The following DACH2 variants were observed in gnomAD, a reference collection of about 807,000 sequenced individuals.
DACH2 encodes dachshund homolog 2.
DACH2 carries 17 observed loss-of-function variants against 35.8 expected under a neutral mutation model. The ratio of observed to expected loss-of-function variants is 0.48; its 90% CI spans 0.33 to 0.71. The LOEUF (loss-of-function observed/expected upper bound fraction) is 0.71. DACH2 is among the 30% of genes least tolerant of loss of function. The pLI is 0.02. For missense variants in DACH2, 469 were observed against 472.7 expected (o/e 0.99, Z 0.07); for synonymous variants, 195 against 177.3 (o/e 1.10, Z -0.79).
chrX:86,180,955 G>T (rs1394941686), intron 1 of DACH2, among the ~76,000 whole-genome samples: 2 of 110,433 alleles, frequency 1.8e-5, no homozygotes, highest in African/African-American at 3.3e-5. Flanking sequence ...ATTCCAAAGG[G>T]CCAAGTTAGC....
At chrX:86,306,316 A>T (rs2034686842) in intron 1 of DACH2, among the ~76,000 whole-genome samples, 1 of 112,126 alleles carries the variant, frequency 8.9e-6, no homozygotes, top group Non-Finnish European at 1.9e-5. Context: ...AACCTGGAGG[A>T]CGTTATGTTA....
intron 2 of DACH2, among the ~76,000 whole-genome samples, chrX:86,450,606 T>G (rs760003491): frequency 6.4e-4 from 71 of 111,039 alleles, no homozygotes; most frequent in African/African-American, 2.3e-3. Flanking sequence ...AGTTGCTGGG[T>G]CAAATGGTAT....
intron 2 of DACH2, among the ~76,000 whole-genome samples, chrX:86,411,568 T>C (rs1432970342): frequency 1.8e-5 from 2 of 111,070 alleles, no homozygotes; most frequent in African/African-American, 6.6e-5. Context: ...AACGCACTGG[T>C]CCCCAACCCT....
At chrX:86,184,190 T>A (rs764363887) in intron 1 of DACH2, 1 of 188,029 alleles carries the variant, frequency 5.3e-6, no homozygotes, top group Non-Finnish European at 9.7e-6. Context: ...TCTGCTTTTA[T>A]CTTGTTATTT....
intron 6 of DACH2, among the ~76,000 whole-genome samples, chrX:86,724,761 T>C (rs1285275030): frequency 1.8e-5 from 2 of 111,655 alleles, no homozygotes; most frequent in Admixed American, 1.9e-4. Flanking sequence ...CCCCATAAAT[T>C]ACTCCCTCAT....
In DACH2 at chrX:86,693,649, A is replaced by G. The variant is rs752079196; in HGVS notation, c.773-1372A>G. ...ATTGGGCCTGAAGACATTTCCCTGA[A>G]AAGTTTACAACTCTCAAAACTGCTT... On this transcript the variant is annotated intron_variant, in intron 4 of 11. Transcript: ENST00000373125. 3.8e-4 allele frequency among the ~76,000 whole-genome samples: 43 copies of G among 112,649 alleles called. No homozygotes were observed. The South Asian group carries it at 7.2e-3, about 19-fold the overall frequency.
intron 2 of DACH2, among the ~76,000 whole-genome samples, chrX:86,450,730 C>CT (rs376487758): frequency 0.095 from 9,673 of 101,789 alleles, 989 homozygotes; most frequent in African/African-American, 0.29. Context: ...TTGCCAGAAC[C>CT]TTTTTTTTTT....
chrX:86,808,205 T>C (rs967648619), intron 7 of DACH2, among the ~76,000 whole-genome samples: 1 of 112,131 alleles, frequency 8.9e-6, no homozygotes, highest in South Asian at 3.7e-4. Context: ...CCAAACCTTT[T>C]ACTGGACATA....
intron 3 of DACH2, among the ~76,000 whole-genome samples, chrX:86,603,602 T>A (rs1394354452): frequency 9.0e-6 from 1 of 111,297 alleles, no homozygotes; most frequent in African/African-American, 3.3e-5. Context: ...CTGACTGCTT[T>A]ATTAATTATT....
intron 2 of DACH2, among the ~76,000 whole-genome samples, chrX:86,501,759 C>G (rs936345718): frequency 9.0e-6 from 1 of 111,431 alleles, no homozygotes; most frequent in African/African-American, 3.3e-5. Context: ...TGCCAATTTT[C>G]AAAAAATCTC....
At chrX:86,395,278 G>A (rs1168305700) in intron 2 of DACH2, among the ~76,000 whole-genome samples, 2 of 111,632 alleles carry the variant, frequency 1.8e-5, no homozygotes, top group East Asian at 2.8e-4. Context: ...CAAGTGTTCA[G>A]TAGCTTTAGT....
chrX:86,786,425 T>C (rs1382862576), intron 7 of DACH2, among the ~76,000 whole-genome samples: 1 of 111,777 alleles, frequency 8.9e-6, no homozygotes, highest in East Asian at 2.8e-4. Flanking sequence ...CCACGAGCCA[T>C]ATGCCTTTGT....
At chrX:86,699,228 C>T (rs767301437) in intron 5 of DACH2, among the ~76,000 whole-genome samples, 1 of 112,030 alleles carries the variant, frequency 8.9e-6, no homozygotes, top group Non-Finnish European at 1.9e-5. Context: ...ATTTACAGAA[C>T]ATTTTACCCA....
At chrX:86,502,193 A>G (rs1352377097) in intron 2 of DACH2, among the ~76,000 whole-genome samples, 2 of 111,678 alleles carry the variant, frequency 1.8e-5, no homozygotes, top group Admixed American at 9.6e-5. Context: ...TTAATGGTTT[A>G]CAACAGGTAG....
intron 1 of DACH2, among the ~76,000 whole-genome samples, chrX:86,169,196 C>T (rs759883144): frequency 5.4e-5 from 6 of 111,575 alleles, no homozygotes; most frequent in Middle Eastern, 4.7e-3. Context: ...AAGCATTTTT[C>T]CTTCAGCCCT....
At chrX:86,617,359 C>A (rs1221157751) in intron 3 of DACH2, among the ~76,000 whole-genome samples, 2 of 110,282 alleles carry the variant, frequency 1.8e-5, no homozygotes, top group Non-Finnish European at 3.8e-5. Context: ...CTGTAAATTT[C>A]TTTGGGCAGT....
At chrX:86,232,917 G>A (rs1013292874) in intron 1 of DACH2, among the ~76,000 whole-genome samples, 10 of 111,874 alleles carry the variant, frequency 8.9e-5, no homozygotes, top group Non-Finnish European at 1.3e-4. Flanking sequence ...AACTTTTTAC[G>A]ATAGCAAGGA....
At chrX:86,407,398 G>A (rs1341978730) in intron 2 of DACH2, among the ~76,000 whole-genome samples, 2 of 111,638 alleles carry the variant, frequency 1.8e-5, no homozygotes, top group Admixed American at 9.6e-5. Flanking sequence ...AGTCAATAAA[G>A]CGTGGCTTTT....
intron 3 of DACH2, among the ~76,000 whole-genome samples, chrX:86,541,617 T>TA (rs1017499994): frequency 2.7e-5 from 3 of 111,684 alleles, no homozygotes; most frequent in African/African-American, 9.7e-5. Flanking sequence ...AAGAATTATA[T>TA]AAAAAATTAG....
Sources: allele counts gnomAD v4.1 joint callset (sites outside exome capture counted in the v4.1 genomes callset), GRCh38; gene constraint gnomAD v4.1.1; transcripts MANE v1.5; gene names NCBI Gene and HGNC (gene_info 2026-07-23, HGNC 2026-07-21).